FGF14: variants seen among roughly 807,000 people sequenced by gnomAD.
FGF14 encodes the protein fibroblast growth factor 14, also known as fibroblast growth factor homologous factor 4.
In FGF14, 5 loss-of-function variants were observed where a neutral mutation model predicts 25.5. That is an observed-to-expected ratio of 0.20 (90% CI 0.10 to 0.41). The LOEUF (loss-of-function observed/expected upper bound fraction) is 0.41. Among genes scored for constraint, FGF14 ranks in the 10% least tolerant of loss-of-function variants. The probability of loss-of-function intolerance (pLI) is 1.00; values close to 1 mark genes in which losing one functional copy is unlikely to be tolerated. For synonymous variants in FGF14, 138 were observed against 118.3 expected (o/e 1.17, Z -1.08); for missense variants, 222 against 320.1 (o/e 0.69, Z 2.34).
chr13:101,852,482 A>G (rs1048257500), intron 3 of FGF14, among the ~76,000 whole-genome samples: 2 of 152,150 alleles, frequency 1.3e-5, no homozygotes, highest in African/African-American at 2.4e-5. Flanking sequence ...ACAAAAGTCA[A>G]TGACAAGACA....
chr13:102,249,713 A>T (rs1236582486), intron 1 of FGF14, among the ~76,000 whole-genome samples: 1 of 152,200 alleles, frequency 6.6e-6, no homozygotes, highest in Admixed American at 6.5e-5. Flanking sequence ...TGGTCCTCAG[A>T]TATCTGAGTG....
At chr13:102,390,124 A>G (rs1313738180) in intron 1 of FGF14, among the ~76,000 whole-genome samples, 1 of 152,222 alleles carries the variant, frequency 6.6e-6, no homozygotes, top group Non-Finnish European at 1.5e-5. Flanking sequence ...TAATGATATG[A>G]AGTTCTACTA....
intron 1 of FGF14, among the ~76,000 whole-genome samples, chr13:102,197,594 T>TA (rs2049420440): frequency 6.6e-6 from 1 of 151,786 alleles, no homozygotes; most frequent in African/African-American, 2.4e-5. Flanking sequence ...TATTTATGCA[T>TA]AAATAATTAT....
At chr13:101,765,324 G>C (rs2038306365) in intron 3 of FGF14, among the ~76,000 whole-genome samples, 1 of 152,108 alleles carries the variant, frequency 6.6e-6, no homozygotes, top group African/African-American at 2.4e-5. Context: ...CCCTGTTTGG[G>C]TCAATTCAAT....
intron 1 of FGF14, among the ~76,000 whole-genome samples, chr13:102,094,316 C>T (rs1292245330): frequency 6.6e-6 from 1 of 152,122 alleles, no homozygotes; most frequent in African/African-American, 2.4e-5. Context: ...GAACTTAATA[C>T]CAGCAAAGGA....
chr13:101,775,445 T>A (rs1265887964), intron 3 of FGF14, among the ~76,000 whole-genome samples: 1 of 152,192 alleles, frequency 6.6e-6, no homozygotes, highest in Non-Finnish European at 1.5e-5. Context: ...ATAGCTGCTA[T>A]TTTTATAAAT....
chr13:101,970,862 C>A (rs2037548815), intron 1 of FGF14, among the ~76,000 whole-genome samples: 1 of 152,116 alleles, frequency 6.6e-6, no homozygotes, highest in South Asian at 2.1e-4. Context: ...CTCTACCAAC[C>A]CTCCCATAGC....
At position 102,141,433 on chromosome 13, in the gene FGF14, C is replaced by A. The variant is rs118037723; in HGVS notation, c.208+260038G>T. Among the ~76,000 whole-genome samples the A allele has an allele frequency of 5.6e-3, 857 of 152,278 alleles. 6 individuals are homozygous for A. Among genetic ancestry groups the A allele is most frequent in the Non-Finnish European group, 9.3e-3 (630 of 68,032 alleles). On this transcript the variant is annotated intron_variant, in intron 1 of 4. Coordinates refer to the FGF14 transcript ENST00000376131. ...TACTTATCAGTACAAAAACAAGAAA[C>A]AGTTTATGAACGAATGCAGCAATTT... is the stretch of plus-strand genomic sequence containing the variant.
chr13:101,894,859 C>T (rs1162004106), intron 1 of FGF14, among the ~76,000 whole-genome samples: 2 of 151,954 alleles, frequency 1.3e-5, no homozygotes, highest in Non-Finnish European at 2.9e-5. Context: ...TTTGCCTTTC[C>T]AGCACAATTT....
intron 1 of FGF14, among the ~76,000 whole-genome samples, chr13:102,251,015 C>T (rs1381640810): frequency 6.6e-6 from 1 of 152,170 alleles, no homozygotes; most frequent in Non-Finnish European, 1.5e-5. Context: ...CTCCTATAAA[C>T]TTTAACACTT....
chr13:101,789,739 A>G (rs1566905029), intron 3 of FGF14, among the ~76,000 whole-genome samples: 1 of 152,034 alleles, frequency 6.6e-6, no homozygotes, highest in South Asian at 2.1e-4. Flanking sequence ...GAAACTTTTT[A>G]TAGATAGTAT....
At chr13:102,297,975 A>G (rs1034864181) in intron 1 of FGF14, among the ~76,000 whole-genome samples, 6 of 152,130 alleles carry the variant, frequency 3.9e-5, no homozygotes, top group African/African-American at 9.6e-5. Context: ...CGTCTCAACA[A>G]CACATGGCCG....
At position 101,714,799 on chromosome 13, in the gene FGF14, C is replaced by G; in HGVS notation, c.*8032G>C. 1 of 497,754 alleles carries G rather than the reference C, an allele frequency of 2.0e-6. No individual in the cohort carries two copies. The highest frequency in any genetic ancestry group is 3.6e-6 in the Non-Finnish European group (1 of 279,144). The allele number at this position is 497,754 out of a possible 1,614,324, so 30.8% of individuals were successfully genotyped here. A position where few individuals can be genotyped will look rare whatever the true frequency, so the allele number is the denominator to read the frequency against. On this transcript the variant is annotated 3_prime_UTR_variant, in exon 5 of 5. Transcript: ENST00000376143. ...ATTTGGGATCCTTCCACAAAGTAAC[C>G]TCCCCACCCTCAAACTCACATGTAT...
In FGF14 at chr13:101,718,670, CTTGAGT is replaced by C. The variant is rs1247583339; in HGVS notation, c.*4155_*4160del. 7 of 152,050 alleles carry C rather than the reference CTTGAGT, an allele frequency of 4.6e-5. No individual in the cohort carries two copies. The highest frequency in any genetic ancestry group is 1.2e-4 in the African/African-American group (5 of 41,520). The allele number at this position is 152,050 out of a possible 1,614,324, so 9.4% of individuals were successfully genotyped here. On this transcript the variant is annotated 3_prime_UTR_variant, in exon 5 of 5. Coordinates refer to ENST00000376143, the MANE Select transcript of FGF14 (RefSeq NM_004115.4). ...TTATACCCGTTGTCTTTCTGGGCTC[CTTGAGT>C]TTATCTGGATTCCAACAGCACTTGG...
intron 1 of FGF14, among the ~76,000 whole-genome samples, chr13:101,887,302 T>G (rs1048427061): frequency 1.3e-5 from 2 of 150,242 alleles, no homozygotes; most frequent in Non-Finnish European, 3.0e-5. Context: ...GAAAATGTGA[T>G]GTAAATATAT....
chr13:102,188,978 AAG>A (rs1352636919), intron 1 of FGF14, among the ~76,000 whole-genome samples: 1 of 64,884 alleles, frequency 1.5e-5, no homozygotes, highest in African/African-American at 7.5e-5. Flanking sequence ...GAAAGAAAGA[AAG>A]AAAGAAAGAA....
chr13:102,064,515 C>A (rs1454502394), intron 1 of FGF14, among the ~76,000 whole-genome samples: 1 of 151,230 alleles, frequency 6.6e-6, no homozygotes, highest in African/African-American at 2.4e-5. Context: ...TTTGAAAAAA[C>A]AAAATAATAT....
chr13:102,159,240 T>C (rs1158787570), intron 1 of FGF14, among the ~76,000 whole-genome samples: 1 of 151,186 alleles, frequency 6.6e-6, no homozygotes, highest in African/African-American at 2.4e-5. Flanking sequence ...ATATGGCAAA[T>C]GTAATCATTA....
chr13:101,981,100 C>CAG (rs1350729233), intron 1 of FGF14, among the ~76,000 whole-genome samples: 4 of 150,544 alleles, frequency 2.7e-5, no homozygotes, highest in African/African-American at 4.9e-5. Context: ...CACACACACA[C>CAG]ACACACACAC....
Sources: allele counts gnomAD v4.1 joint callset (sites outside exome capture counted in the v4.1 genomes callset), GRCh38; gene constraint gnomAD v4.1.1; transcripts MANE v1.5; gene names NCBI Gene and HGNC (gene_info 2026-07-23, HGNC 2026-07-21).